The following PGM3 variants were observed in gnomAD, a reference collection of about 807,000 sequenced individuals.
The protein encoded by PGM3 is phosphoglucomutase 3.
A neutral mutation model predicts 66.2 loss-of-function variants in PGM3; 40 were observed. The ratio of observed to expected loss-of-function variants is 0.60; its 90% confidence interval spans 0.47 to 0.79. PGM3 has a LOEUF of 0.79. Ranked by LOEUF, PGM3 falls within the 30% of genes least tolerant of loss-of-function variation. The pLI is 0.00. For missense variants in PGM3, 537 were observed against 643.4 expected, an observed-to-expected ratio of 0.83 and a Z score of 1.79; for synonymous variants, 191 against 224.2, an observed-to-expected ratio of 0.85 and a Z score of 1.32.
At chr6:83,150,613 C>G in the PGM3 span, among the ~76,000 whole-genome samples, 1 of 152,044 alleles carries the variant, frequency 6.6e-6, no homozygotes, top group South Asian at 2.1e-4. Flanking sequence ...GAAGGTTGCT[C>G]TTTAGTTTCA....
Position 83,176,050 on chromosome 6 carries a change from T to G in PGM3, c.1040A>C (p.Tyr347Ser). 6.4e-7 allele frequency: 1 copy of G among 1,573,662 alleles called. No homozygotes were observed. The highest frequency in any genetic ancestry group is 8.7e-7 in the Non-Finnish European group (1 of 1,143,324). Residue 347 changes from tyrosine to serine, a missense_variant, in exon 9 of 13, where the codon TAT becomes TCT. By Grantham distance (144) the Tyr-to-Ser change is moderately radical. Transcript: ENST00000513973. Reference sequence around the variant, plus strand: ...ATGTTTTACACCAGTCTTAGTGCAATAGACAGGTACCTATAACACATGCAT... The same window carrying G: ...ATGTTTTACACCAGTCTTAGTGCAAGAGACAGGTACCTATAACACATGCAT... ...YLEEVMKVPVYCTKTGVKHLH... is the reference protein window; with the variant it reads ...YLEEVMKVPVSCTKTGVKHLH...
At chr6:83,151,919 A>G in the PGM3 span, 9 of 1,613,714 alleles carry the variant, frequency 5.6e-6, no homozygotes, top group African/African-American at 4.0e-5. Context: ...AATTGGTGCA[A>G]TTGCTGGTTC....
downstream of PGM3, among the ~76,000 whole-genome samples, chr6:83,157,570 G>C (rs951812467): frequency 6.6e-6 from 1 of 152,204 alleles, no homozygotes; most frequent in African/African-American, 2.4e-5. Flanking sequence ...ATCTGGTTTA[G>C]TGTTTAGTCT....
downstream of PGM3, among the ~76,000 whole-genome samples, chr6:83,157,472 A>G (rs1036656987): frequency 1.4e-4 from 21 of 152,224 alleles, no homozygotes; most frequent in Admixed American, 2.6e-4. Flanking sequence ...ATAGTAAAAC[A>G]AGTCAGATTC....
chr6:83,168,993 T>G lies in PGM3; in HGVS notation c.*241A>C, dbSNP rs1464310425. 1 of 1,296,622 alleles carries G rather than the reference T, an allele frequency of 7.7e-7. No individual in the cohort carries two copies. Among genetic ancestry groups the G allele is most frequent in the Non-Finnish European group, 9.8e-7 (1 of 1,018,232 alleles). 80.3% of individuals were successfully genotyped at this position (1,296,622 alleles called of 1,614,324 possible). A position where few individuals can be genotyped will look rare whatever the true frequency, so the allele number is the denominator to read the frequency against. On this transcript the variant is annotated 3_prime_UTR_variant, in exon 13 of 13. Transcript: ENST00000513973. The stretch of plus-strand genomic sequence containing the variant: ...ACAGTTAGTGACTGAATTGTATACT[T>G]AAGTCCCAGTATTTTACATTAGTGA...
At chr6:83,191,446 CAG>C in intron 1 of PGM3, 1 of 579,976 alleles carries the variant, frequency 1.7e-6, no homozygotes, top group South Asian at 2.2e-5. Flanking sequence ...GGCCTAAAGT[CAG>C]ATTCTTGAGT....
At chr6:83,169,459 ACCTT>A in intron 12 of PGM3, 136 bp from the exon 13 acceptor site, 2 of 1,020,380 alleles carry the variant, frequency 2.0e-6, no homozygotes, top group Non-Finnish European at 2.8e-6. Context: ...TCTAATGAAA[ACCTT>A]TTTTCATCTT....
chr6:83,166,445 G>A lies in PGM3; in HGVS notation c.*2789C>T. On this transcript the variant is annotated 3_prime_UTR_variant, in exon 13 of 13. Coordinates refer to ENST00000513973, the MANE Select transcript of PGM3 (RefSeq NM_015599.3). ...GCCAAATGCATTGTTGATGTTGTGT[G>A]TTGTCTCTGCTGCTTTATAACCTAT... 4.3e-6 allele frequency: 3 copies of A among 701,584 alleles called. No homozygotes were observed. The South Asian group carries it at 4.5e-5, about 10-fold the overall frequency. The allele number at this position is 701,584 out of a possible 1,614,324, so 43.5% of individuals were successfully genotyped here.
chr6:83,192,540 C>T (rs1374356128), intron 1 of PGM3, among the ~76,000 whole-genome samples: 1 of 152,036 alleles, frequency 6.6e-6, no homozygotes, highest in Admixed American at 6.5e-5. Flanking sequence ...TGCTTTTGTC[C>T]AGTTGGAAAA....
downstream of PGM3, among the ~76,000 whole-genome samples, chr6:83,158,973 C>T (rs1282544804): frequency 2.6e-5 from 4 of 152,138 alleles, no homozygotes; most frequent in Admixed American, 6.5e-5. Flanking sequence ...CCAGGCTATT[C>T]GTATATGCAG....
At chr6:83,187,121 G>T (rs1788641139) in intron 3 of PGM3, 46 bp from the exon 4 acceptor site, 3 of 1,264,326 alleles carry the variant, frequency 2.4e-6, no homozygotes, top group Non-Finnish European at 3.4e-6. Context: ...CCTGAAACTG[G>T]CAGGGTTGCT....
At chr6:83,176,737 T>C (rs1787802070) in intron 8 of PGM3, among the ~76,000 whole-genome samples, 1 of 152,144 alleles carries the variant, frequency 6.6e-6, no homozygotes, top group East Asian at 1.9e-4. Flanking sequence ...CAGCATTAGA[T>C]TGGATGTAGG....
At position 83,165,127 on chromosome 6, in the gene PGM3, T is replaced by C. The variant is rs947439498; in HGVS notation, c.*4107A>G. On this transcript the variant is annotated 3_prime_UTR_variant, in exon 13 of 13. Transcript: ENST00000513973. Reference sequence around the variant, plus strand: ...GACAAAGTCATCTCTGTACGCCCTTTATTGTTGAATTGCAGTTTGATTTAG... The same window carrying C: ...GACAAAGTCATCTCTGTACGCCCTTCATTGTTGAATTGCAGTTTGATTTAG... 16 of 157,664 alleles carry C rather than the reference T, an allele frequency of 1.0e-4. No homozygotes were observed. Among genetic ancestry groups the C allele is most frequent in the Admixed American group, 9.3e-4 (15 of 16,062 alleles). The allele number at this position is 157,664 out of a possible 1,614,324, so 9.8% of individuals were successfully genotyped here. A position where few individuals can be genotyped will look rare whatever the true frequency, so the allele number is the denominator to read the frequency against.
chr6:83,162,930 C>G (rs368176580), downstream of PGM3: 5 of 1,606,472 alleles, frequency 3.1e-6, no homozygotes, highest in African/African-American at 4.0e-5. Flanking sequence ...GTATCGCATT[C>G]TTTTGTGATT....
downstream of PGM3, among the ~76,000 whole-genome samples, chr6:83,157,799 C>G (rs186769868): frequency 6.6e-6 from 1 of 152,126 alleles, no homozygotes; most frequent in African/African-American, 2.4e-5. Context: ...ACCTACCAAA[C>G]GGTAAAACCT....
intron 3 of PGM3, among the ~76,000 whole-genome samples, chr6:83,187,621 C>A (rs1046973746): frequency 1.3e-5 from 2 of 152,032 alleles, no homozygotes; most frequent in African/African-American, 2.4e-5. Flanking sequence ...CTGGCCAACA[C>A]GGTGAAACCA....
Position 83,165,102 on chromosome 6 carries a change from G to A in PGM3, c.*4132C>T, listed in dbSNP as rs1283028988. On this transcript the variant is annotated 3_prime_UTR_variant, in exon 13 of 13. Coordinates refer to ENST00000513973, the MANE Select transcript of PGM3 (RefSeq NM_015599.3). The stretch of plus-strand genomic sequence containing the variant: ...TACAAGGATATTCATTTTCCTTCAG[G>A]ACAAAGTCATCTCTGTACGCCCTTT... 1 of 166,354 alleles carries A rather than the reference G, an allele frequency of 6.0e-6. No individual in the cohort carries two copies. Among genetic ancestry groups the A allele is most frequent in the Non-Finnish European group, 1.3e-5 (1 of 77,096 alleles). The allele number at this position is 166,354 out of a possible 1,614,324, so 10.3% of individuals were successfully genotyped here.
chr6:83,151,924 TG>T, the PGM3 span: 1 of 1,613,852 alleles, frequency 6.2e-7, no homozygotes, highest in Non-Finnish European at 8.5e-7. Flanking sequence ...GTGCAATTGC[TG>T]GTTCTTCTCT....
intron 4 of PGM3, among the ~76,000 whole-genome samples, chr6:83,183,917 T>C (rs1254819155): frequency 6.6e-6 from 1 of 151,920 alleles, no homozygotes; most frequent in African/African-American, 2.4e-5. Flanking sequence ...GGTTTCATCA[T>C]GTTGGCCAGA....
Sources: gnomAD v4.1 joint callset for allele counts (sites outside exome capture counted in the v4.1 genomes callset) on GRCh38, gnomAD v4.1.1 for gene constraint, MANE v1.5 for transcripts, NCBI Gene and HGNC (gene_info 2026-07-23, HGNC 2026-07-21) for gene names.